Variants in NSG2 observed in about 807,000 individuals in gnomAD.
The protein encoded by NSG2 is neuronal vesicle trafficking associated 2, also known as neuronal vesicle trafficking-associated protein 2.
NSG2 carries 4 observed loss-of-function variants against 16.9 expected under a neutral mutation model. The observed-to-expected ratio is 0.24, with a 90% confidence interval of 0.12 to 0.54. The LOEUF (loss-of-function observed/expected upper bound fraction) is 0.54. NSG2 is among the 20% of genes least tolerant of loss of function. The pLI is 0.95. For missense variants in NSG2, 179 were observed against 221.1 expected, an observed-to-expected ratio of 0.81 and a Z score of 1.21; for synonymous variants, 98 against 88.7, an observed-to-expected ratio of 1.11 and a Z score of -0.59.
chr5:174,097,623 G>C (rs1760821822), intron 3 of NSG2, among the ~76,000 whole-genome samples: 2 of 149,404 alleles, frequency 1.3e-5, no homozygotes, highest in East Asian at 3.9e-4. Context: ...TTCTCTCTGT[G>C]TGTGTCTCTG....
At chr5:174,047,000 C>T (rs1759811692) in intron 2 of NSG2, 116 bp downstream of exon 2, 4 of 1,009,176 alleles carry the variant, frequency 4.0e-6, no homozygotes, top group African/African-American at 1.6e-5. Context: ...CAAATGTGCT[C>T]CCTTTCTTGT....
At chr5:174,084,602 A>G (rs1760565135) in intron 3 of NSG2, among the ~76,000 whole-genome samples, 1 of 152,236 alleles carries the variant, frequency 6.6e-6, no homozygotes, top group Admixed American at 6.5e-5. Context: ...GTGTCCAGGA[A>G]GCAGCCCAGA....
chr5:174,101,110 G>A (rs1055348940), intron 3 of NSG2, among the ~76,000 whole-genome samples: 2 of 152,320 alleles, frequency 1.3e-5, no homozygotes, highest in Admixed American at 6.5e-5. Context: ...GGATGAGCCT[G>A]CGACTATAGG....
chr5:174,091,602 A>G (rs912960805), intron 3 of NSG2, among the ~76,000 whole-genome samples: 3 of 151,280 alleles, frequency 2.0e-5, no homozygotes, highest in African/African-American at 7.3e-5. Context: ...CGTGGGAGGC[A>G]TGCCAGTAGC....
chr5:174,109,061 T>C lies in NSG2; in HGVS notation c.*1556T>C, dbSNP rs1761028387. 6.5e-6 allele frequency: 1 copy of C among 152,916 alleles called. No individual in the cohort carries two copies. The highest frequency in any genetic ancestry group is 1.9e-4 in the East Asian group (1 of 5,320). 9.5% of individuals were successfully genotyped at this position (152,916 alleles called of 1,614,324 possible). On this transcript the variant is annotated 3_prime_UTR_variant, in exon 5 of 5. Transcript: ENST00000303177. ...AACAAGTTGTCCCTAGCAAAACCGCTGAGCGCTTTATAATTTTGTGGTGTA... is the reference window on the plus strand; with the variant it reads ...AACAAGTTGTCCCTAGCAAAACCGCCGAGCGCTTTATAATTTTGTGGTGTA...
chr5:174,079,224 A>G (rs1486911223), intron 3 of NSG2, among the ~76,000 whole-genome samples: 1 of 151,302 alleles, frequency 6.6e-6, no homozygotes, highest in Admixed American at 6.6e-5. Flanking sequence ...TTCCTCTTGA[A>G]GTCTGCATGT....
intron 3 of NSG2, among the ~76,000 whole-genome samples, chr5:174,080,440 A>T (rs967406362): frequency 1.3e-5 from 2 of 150,668 alleles, no homozygotes; most frequent in Admixed American, 6.6e-5. Flanking sequence ...CAATTTGAGG[A>T]GATGCTACGT....
chr5:174,046,354 C>CGGGG (rs60922236), intron 1 of NSG2, among the ~76,000 whole-genome samples: 2 of 148,252 alleles, frequency 1.3e-5, no homozygotes, highest in African/African-American at 5.1e-5. Context: ...ATACTGCAGG[C>CGGGG]GGGGGGGGTG....
intron 3 of NSG2, among the ~76,000 whole-genome samples, chr5:174,087,360 T>G (rs1760643820): frequency 1.3e-5 from 2 of 152,210 alleles, no homozygotes; most frequent in South Asian, 4.1e-4. Context: ...AAATCCTGGC[T>G]ACTCCATTCA....
intron 2 of NSG2, among the ~76,000 whole-genome samples, chr5:174,053,158 C>A (rs781517391): frequency 6.6e-6 from 1 of 152,134 alleles, no homozygotes; most frequent in Non-Finnish European, 1.5e-5. Flanking sequence ...CATCTCTGGG[C>A]TTTGAGTTTG....
At chr5:174,095,423 G>A (rs1388326557) in intron 3 of NSG2, among the ~76,000 whole-genome samples, 1 of 152,028 alleles carries the variant, frequency 6.6e-6, no homozygotes, top group African/African-American at 2.4e-5. Context: ...TTTCCTCTTT[G>A]GGCTTGTGGT....
intron 2 of NSG2, among the ~76,000 whole-genome samples, chr5:174,052,003 T>TA (rs1237028281): frequency 6.6e-6 from 1 of 152,012 alleles, no homozygotes; most frequent in Non-Finnish European, 1.5e-5. Flanking sequence ...TCAAAAGGTA[T>TA]TTAAAGCAGG....
intron 2 of NSG2, among the ~76,000 whole-genome samples, chr5:174,055,232 C>T (rs1759948737): frequency 6.6e-6 from 1 of 152,156 alleles, no homozygotes; most frequent in Admixed American, 6.5e-5. Flanking sequence ...GCAGAAGGAG[C>T]TGGAAGTCCC....
chr5:174,098,861 C>A (rs58146068), intron 3 of NSG2, among the ~76,000 whole-genome samples: 138 of 152,232 alleles, frequency 9.1e-4, no homozygotes, highest in African/African-American at 3.3e-3. Context: ...GTAATGAAAC[C>A]CTCCAATGTA....
chr5:174,046,926 C>T (rs1469965113), intron 2 of NSG2, 42 bp downstream of exon 2: 1 of 1,601,024 alleles, frequency 6.2e-7, no homozygotes, highest in Non-Finnish European at 8.5e-7. Context: ...CCAGGCTCCC[C>T]CCATCTCAGG....
At chr5:174,049,736 G>C (rs186726421) in intron 2 of NSG2, among the ~76,000 whole-genome samples, 1 of 152,174 alleles carries the variant, frequency 6.6e-6, no homozygotes, top group East Asian at 1.9e-4. Flanking sequence ...CCCACAGTGC[G>C]CTCCATTCCC....
At position 174,046,808 on chromosome 5, in the gene NSG2, T is replaced by C; in HGVS notation, c.53T>C (p.Val18Ala). The C allele has an allele frequency of 6.2e-7, 1 of 1,614,158 alleles. No individual in the cohort carries two copies. The highest frequency in any genetic ancestry group is 1.1e-5 in the South Asian group (1 of 91,078). Residue 18 changes from valine to alanine, a missense_variant, in exon 2 of 5, where the codon GTT (valine) becomes GCT (alanine). Physicochemically the swap from Val to Ala is moderately conservative, Grantham distance 64. Coordinates refer to ENST00000303177, the MANE Select transcript of NSG2 (RefSeq NM_015980.5). ...GAGAAGGGAACCAAGCCGCCTTCAG[T>C]TGAGGATGGCTTCCAGACCGTCCCT... is the stretch of plus-strand genomic sequence containing the variant. ...PSEKGTKPPS[V>A]EDGFQTVPLI...
At chr5:174,101,310 G>C (rs1226101707) in intron 3 of NSG2, among the ~76,000 whole-genome samples, 2 of 152,222 alleles carry the variant, frequency 1.3e-5, no homozygotes, top group Non-Finnish European at 2.9e-5. Context: ...GAAAACTCGT[G>C]TAACATAAAC....
rs117550820 is a variant in NSG2 at position 174,095,229 on chromosome 5, G to A, written c.214-8999G>A. 3.3e-4 allele frequency among the ~76,000 whole-genome samples: 51 copies of A among 152,292 alleles called. No individual in the cohort carries two copies. In the East Asian group the frequency reaches 3.5e-3, roughly 10 times the overall value. Reference sequence around the variant, plus strand: ...AGAGAGGAGTCCGCATTTGTAGCACGTATACCAGGCACTGTGGGAGGGCGC... The same window carrying A: ...AGAGAGGAGTCCGCATTTGTAGCACATATACCAGGCACTGTGGGAGGGCGC... On this transcript the variant is annotated intron_variant, in intron 3 of 4. Transcript: ENST00000303177.
Sources: allele counts gnomAD v4.1 joint callset (sites outside exome capture counted in the v4.1 genomes callset), GRCh38; gene constraint gnomAD v4.1.1; transcripts MANE v1.5; gene names NCBI Gene and HGNC (gene_info 2026-07-23, HGNC 2026-07-21).